Variants in RBFOX1 observed in about 807,000 individuals in gnomAD.
RBFOX1 encodes RNA binding fox-1 homolog 1, also known as RNA binding protein fox-1 homolog 1.
In RBFOX1, 8 loss-of-function variants were observed where a neutral mutation model predicts 57.7. The ratio of observed to expected loss-of-function variants is 0.14; its 90% confidence interval spans 0.08 to 0.25. RBFOX1 has a LOEUF of 0.25. RBFOX1 is among the 10% of genes least tolerant of loss of function. RBFOX1 has a pLI of 1.00. For missense variants in RBFOX1, 611 were observed against 548.5 expected (o/e 1.11, Z -1.14); for synonymous variants, 326 against 222.4 (o/e 1.47, Z -4.15).
chr16:5,349,181 A>G (rs2151311255), intron 1 of RBFOX1, among the ~76,000 whole-genome samples: 1 of 152,310 alleles, frequency 6.6e-6, no homozygotes, highest in Middle Eastern at 3.4e-3. Flanking sequence ...AGGGAAGTAA[A>G]CCAATCACCG....
intron 3 of RBFOX1, among the ~76,000 whole-genome samples, chr16:6,673,058 G>C (rs1236874729): frequency 6.6e-6 from 1 of 152,186 alleles, no homozygotes; most frequent in Non-Finnish European, 1.5e-5. Flanking sequence ...AAAAACCACA[G>C]TGCTTCTTAC....
chr16:5,283,202 G>A (rs2063313286), intron 1 of RBFOX1, among the ~76,000 whole-genome samples: 1 of 152,238 alleles, frequency 6.6e-6, no homozygotes, highest in Non-Finnish European at 1.5e-5. Flanking sequence ...TTCAGAAGAT[G>A]TATGGAAATG....
intron 4 of RBFOX1, among the ~76,000 whole-genome samples, chr16:7,259,776 G>A (rs1368181764): frequency 6.6e-6 from 1 of 152,094 alleles, no homozygotes; most frequent in Non-Finnish European, 1.5e-5. Flanking sequence ...TTAATTGGGA[G>A]GGAGGGAAAT....
intron 1 of RBFOX1, among the ~76,000 whole-genome samples, chr16:5,362,653 C>T (rs923584798): frequency 3.9e-5 from 6 of 152,086 alleles, no homozygotes; most frequent in East Asian, 1.9e-4. Flanking sequence ...TGAGCCACCG[C>T]GCCAGGCCAC....
At chr16:6,518,699 A>G (rs2096433578) in intron 2 of RBFOX1, among the ~76,000 whole-genome samples, 12 of 152,036 alleles carry the variant, frequency 7.9e-5, no homozygotes, top group Admixed American at 7.2e-4. Context: ...CTATGTATGT[A>G]TCTGTCCATC....
intron 4 of RBFOX1, among the ~76,000 whole-genome samples, chr16:7,283,572 C>G (rs1030779082): frequency 6.6e-6 from 1 of 152,118 alleles, no homozygotes; most frequent in Non-Finnish European, 1.5e-5. Context: ...CATTCTGTAT[C>G]TCCATCCCCT....
At chr16:5,303,396 T>G (rs943258659) in intron 1 of RBFOX1, among the ~76,000 whole-genome samples, 9 of 152,284 alleles carry the variant, frequency 5.9e-5, no homozygotes, top group Non-Finnish European at 1.3e-4. Context: ...GAGTCTGTAT[T>G]TCAGTTCCAC....
chr16:7,087,482 A>G (rs946109509), intron 4 of RBFOX1, among the ~76,000 whole-genome samples: 1 of 152,040 alleles, frequency 6.6e-6, no homozygotes, highest in African/African-American at 2.4e-5. Flanking sequence ...TTAAACAGCC[A>G]AACCAAGAAT....
chr16:6,916,375 A>G (rs1009488446), intron 3 of RBFOX1, among the ~76,000 whole-genome samples: 1 of 152,062 alleles, frequency 6.6e-6, no homozygotes, highest in East Asian at 1.9e-4. Context: ...ACCTCTGTGC[A>G]TGGGGTTTGG....
chr16:7,220,093 T>G (rs930552838), intron 4 of RBFOX1, among the ~76,000 whole-genome samples: 2 of 152,174 alleles, frequency 1.3e-5, no homozygotes, highest in African/African-American at 4.8e-5. Flanking sequence ...ATTGTGTGTA[T>G]CAGACCAAAC....
chr16:5,403,100 C>G (rs577748219), intron 1 of RBFOX1, among the ~76,000 whole-genome samples: 1 of 152,100 alleles, frequency 6.6e-6, no homozygotes, highest in African/African-American at 2.4e-5. Flanking sequence ...GCCTATAATC[C>G]CACCACTTTG....
At chr16:7,460,370 A>AATATATATAT (rs879898472) in intron 4 of RBFOX1, among the ~76,000 whole-genome samples, 1,510 of 75,284 alleles carry the variant, frequency 0.02, 28 homozygotes, top group Middle Eastern at 0.041. Flanking sequence ...CATTTAGCAA[A>AATATATATAT]ATATATATAT....
intron 2 of RBFOX1, among the ~76,000 whole-genome samples, chr16:6,499,811 A>T (rs567796328): frequency 5.9e-5 from 9 of 152,240 alleles, no homozygotes; most frequent in African/African-American, 1.9e-4. Context: ...TCATTAGGGC[A>T]TTCGCGGGTA....
intron 3 of RBFOX1, among the ~76,000 whole-genome samples, chr16:6,922,747 C>T (rs1460830336): frequency 6.6e-6 from 1 of 152,080 alleles, no homozygotes; most frequent in East Asian, 1.9e-4. Context: ...TAAACATTTT[C>T]CAGTAATTTC....
intron 14 of RBFOX1, among the ~76,000 whole-genome samples, chr16:7,701,531 C>T (rs1224697588): frequency 1.3e-5 from 2 of 152,138 alleles, no homozygotes; most frequent in African/African-American, 4.8e-5. Flanking sequence ...CTATTCTCCA[C>T]CTCCCTGGTC....
intron 4 of RBFOX1, among the ~76,000 whole-genome samples, chr16:7,439,262 G>A (rs2098747043): frequency 6.6e-6 from 1 of 152,028 alleles, no homozygotes; most frequent in Non-Finnish European, 1.5e-5. Flanking sequence ...TGCCCCAGTG[G>A]CTCTTCTTCA....
At chr16:6,008,883 A>G (rs1439840267) in intron 4 of RBFOX1, among the ~76,000 whole-genome samples, 3 of 152,194 alleles carry the variant, frequency 2.0e-5, no homozygotes, top group African/African-American at 7.2e-5. Context: ...AGCTCGTCTT[A>G]GAGCTTTTGA....
At chr16:5,613,798 G>C (rs1035586338) in intron 3 of RBFOX1, among the ~76,000 whole-genome samples, 14 of 151,462 alleles carry the variant, frequency 9.2e-5, no homozygotes, top group African/African-American at 3.2e-4. Context: ...AATCAAGGTA[G>C]ATGGGGTTTT....
At chr16:5,524,227 G>A (rs1053639364) in intron 2 of RBFOX1, among the ~76,000 whole-genome samples, 17 of 152,126 alleles carry the variant, frequency 1.1e-4, no homozygotes, top group African/African-American at 4.1e-4. Flanking sequence ...TGTGCTCTAC[G>A]TGCAAACCAG....
Sources: allele counts gnomAD v4.1 joint callset (sites outside exome capture counted in the v4.1 genomes callset), GRCh38; gene constraint gnomAD v4.1.1; transcripts MANE v1.5; gene names NCBI Gene and HGNC (gene_info 2026-07-23, HGNC 2026-07-21).